TNKS: variants seen among roughly 807,000 people sequenced by gnomAD.
TNKS encodes the protein tankyrase.
A neutral mutation model predicts 135.8 loss-of-function variants in TNKS; 72 were observed. The ratio of observed to expected loss-of-function variants is 0.53; its 90% CI spans 0.44 to 0.64. The LOEUF is 0.64. Among genes scored for constraint, TNKS ranks in the 30% least tolerant of loss-of-function variants. TNKS has a pLI of 0.00. For missense variants in TNKS, 1,769 were observed against 1,674.0 expected (o/e 1.06, Z -0.99); for synonymous variants, 849 against 649.3 (o/e 1.31, Z -4.68).
At chr8:9,564,142 AG>A (rs758951385) in intron 1 of TNKS, among the ~76,000 whole-genome samples, 3 of 152,200 alleles carry the variant, frequency 2.0e-5, no homozygotes, top group Non-Finnish European at 2.9e-5. Flanking sequence ...CATTGTGCTA[AG>A]GGCATTTTAT....
At chr8:9,582,275 G>C (rs1210415991) in intron 2 of TNKS, among the ~76,000 whole-genome samples, 1 of 151,554 alleles carries the variant, frequency 6.6e-6, no homozygotes, top group Non-Finnish European at 1.5e-5. Context: ...GCAGAGTTCT[G>C]CTTTGGGATA....
chr8:9,687,515 C>T (rs973062214), intron 5 of TNKS, among the ~76,000 whole-genome samples: 38 of 152,184 alleles, frequency 2.5e-4, no homozygotes, highest in South Asian at 1.2e-3. Context: ...ATTGCTTCTA[C>T]GAAAACAATC....
At chr8:9,686,035 C>T (rs1023928126) in intron 5 of TNKS, among the ~76,000 whole-genome samples, 1 of 152,212 alleles carries the variant, frequency 6.6e-6, no homozygotes, top group African/African-American at 2.4e-5. Flanking sequence ...CTCAATAAAC[C>T]GTCCCTTTTA....
chr8:9,726,494 T>C (rs1481054556), intron 12 of TNKS, 147 bp from the exon 13 acceptor site: 1 of 574,506 alleles, frequency 1.7e-6, no homozygotes, highest in Non-Finnish European at 3.0e-6. Flanking sequence ...AAAGTTTTGC[T>C]ACAACATTTA....
intron 12 of TNKS, among the ~76,000 whole-genome samples, chr8:9,722,818 A>G (rs908454240): frequency 6.6e-6 from 1 of 152,200 alleles, no homozygotes; most frequent in African/African-American, 2.4e-5. Flanking sequence ...AATTATGTGC[A>G]TAGCTTTTAG....
At chr8:9,597,437 A>T (rs530484197) in intron 2 of TNKS, among the ~76,000 whole-genome samples, 1 of 151,074 alleles carries the variant, frequency 6.6e-6, no homozygotes, top group South Asian at 2.1e-4. Flanking sequence ...ATCAGCGTGA[A>T]TTTGTGTTAC....
chr8:9,714,688 G>T (rs1804515899), intron 11 of TNKS, among the ~76,000 whole-genome samples: 1 of 152,160 alleles, frequency 6.6e-6, no homozygotes, highest in Non-Finnish European at 1.5e-5. Context: ...GAAGATAAAA[G>T]CCACTTATGA....
intron 22 of TNKS, among the ~76,000 whole-genome samples, chr8:9,764,241 T>A (rs1243414390): frequency 1.3e-5 from 2 of 152,100 alleles, no homozygotes; most frequent in African/African-American, 4.8e-5. Context: ...TAGTAGTACA[T>A]TATAGTCAAT....
At chr8:9,556,833 A>C in intron 1 of TNKS, 2 of 597,304 alleles carry the variant, frequency 3.3e-6, no homozygotes, top group Non-Finnish European at 3.0e-6. Flanking sequence ...CAGTGGTTGC[A>C]CAGTACTCAT....
rs571138126 is a variant in TNKS at position 9,705,034 on chromosome 8, T to G, written c.1202+277T>G. Among the ~76,000 whole-genome samples, 7 of 152,304 alleles carry G rather than the reference T, an allele frequency of 4.6e-5. No homozygotes were observed. The East Asian group carries it at 1.2e-3, about 25-fold the overall frequency. On this transcript the variant is annotated intron_variant, in intron 6 of 26. Transcript: ENST00000310430. ...CAGTTAGGGTTTTTCAACTCTTAAA[T>G]TGCATTTTAGAAAAATAAAACAAAT...
chr8:9,625,624 C>G (rs1052548279), intron 3 of TNKS, among the ~76,000 whole-genome samples: 4 of 151,784 alleles, frequency 2.6e-5, no homozygotes, highest in Non-Finnish European at 4.4e-5. Flanking sequence ...TTTTAAATTT[C>G]TCTTGAGATT....
At chr8:9,730,785 C>A (rs1805397739) in intron 13 of TNKS, 105 bp from the exon 14 acceptor site, 1 of 1,267,566 alleles carries the variant, frequency 7.9e-7, no homozygotes, top group Non-Finnish European at 1.1e-6. Context: ...ATTCATTAGA[C>A]AATTATAATT....
chr8:9,766,922 A>G (rs757410340), intron 25 of TNKS, among the ~76,000 whole-genome samples: 2 of 152,182 alleles, frequency 1.3e-5, no homozygotes, highest in South Asian at 2.1e-4. Flanking sequence ...AGAGCAGATA[A>G]CTAGGGGTAA....
At chr8:9,724,955 T>G (rs992425811) in intron 12 of TNKS, among the ~76,000 whole-genome samples, 2 of 74,934 alleles carry the variant, frequency 2.7e-5, no homozygotes, top group Admixed American at 3.8e-4. Flanking sequence ...AATACTCAGT[T>G]ATAACTCTAT....
chr8:9,773,595 ATAAGTT>A (rs1184708031), intron 26 of TNKS, among the ~76,000 whole-genome samples: 10 of 152,150 alleles, frequency 6.6e-5, no homozygotes, highest in Admixed American at 1.3e-4. Flanking sequence ...TACTTAGAAG[ATAAGTT>A]TAAGTTTACT....
chr8:9,663,835 C>G (rs77544508), intron 3 of TNKS, among the ~76,000 whole-genome samples: 11,161 of 152,252 alleles, frequency 0.073, 462 homozygotes, highest in South Asian at 0.18. Context: ...CTTCCATACT[C>G]CCTCCCAGTG....
intron 8 of TNKS, among the ~76,000 whole-genome samples, chr8:9,708,030 G>T (rs1804133379): frequency 6.6e-6 from 1 of 152,136 alleles, no homozygotes; most frequent in African/African-American, 2.4e-5. Flanking sequence ...TTGTTTAAGA[G>T]CTAGAAAGTG....
At chr8:9,732,962 C>G (rs1318080535) in intron 14 of TNKS, among the ~76,000 whole-genome samples, 1 of 152,096 alleles carries the variant, frequency 6.6e-6, no homozygotes, top group East Asian at 1.9e-4. Flanking sequence ...CCTAAATAAG[C>G]TAATTGTATT....
intron 3 of TNKS, among the ~76,000 whole-genome samples, chr8:9,676,907 C>G (rs1380988034): frequency 2.0e-5 from 3 of 152,158 alleles, no homozygotes; most frequent in Non-Finnish European, 4.4e-5. Flanking sequence ...TGCCTAGTTT[C>G]CTTTCTGGCT....
Sources: gnomAD v4.1 joint callset for allele counts (sites outside exome capture counted in the v4.1 genomes callset) on GRCh38, gnomAD v4.1.1 for gene constraint, MANE v1.5 for transcripts, NCBI Gene and HGNC (gene_info 2026-07-23, HGNC 2026-07-21) for gene names.